Variants in MYL5 observed in about 807,000 individuals in gnomAD.
MYL5 encodes myosin light chain 5, also known as myosin regulatory light chain 5.
A neutral mutation model predicts 20.8 loss-of-function variants in MYL5; 28 were observed. The observed-to-expected ratio is 1.35, with a 90% CI of 1.00 to 1.84. MYL5 has a LOEUF of 1.84. Among genes scored for constraint, MYL5 ranks in the 40% most tolerant of loss-of-function variants. The pLI is 0.00. For synonymous variants in MYL5, 118 were observed against 87.4 expected (o/e 1.35, Z -1.95); for missense variants, 274 against 227.3 (o/e 1.21, Z -1.32).
intron 3 of MYL5, chr4:679,310 C>T: frequency 2.6e-6 from 1 of 381,054 alleles, no homozygotes; most frequent in South Asian, 2.9e-5. Context: ...GGGGCTGACT[C>T]TCTGGTAGGA....
At chr4:678,755 A>G (rs779759060) in exon 2 of MYL5, 18 of 1,610,468 alleles carry the variant, frequency 1.1e-5, no homozygotes, top group Middle Eastern at 1.6e-4. Flanking sequence ...CAGATCCAGG[A>G]GTTCAAGGAG....
exon 7 of MYL5, chr4:681,976 G>C (rs764712621): frequency 7.2e-7 from 1 of 1,397,390 alleles, no homozygotes; most frequent in African/African-American, 1.5e-5. Context: ...TCACCCACGG[G>C]GAGGAGAAGG....
At chr4:678,486 CA>C in intron 1 of MYL5, 171 bp from the exon 4 acceptor site, 1 of 1,438,776 alleles carries the variant, frequency 7.0e-7, no homozygotes, top group Non-Finnish European at 9.1e-7. Context: ...GTCCTGCCCC[CA>C]ACCCCAGCTA....
At chr4:678,335 C>T (rs1033416032) in intron 1 of MYL5, 1 of 1,417,998 alleles carries the variant, frequency 7.1e-7, no homozygotes, top group Admixed American at 2.8e-5. Context: ...CAAGCCCACC[C>T]AGAGTCCACT....
chr4:679,085 G>C (rs1474610154), intron 3 of MYL5, 52 bp downstream of exon 5: 13 of 1,457,298 alleles, frequency 8.9e-6, no homozygotes, highest in Admixed American at 1.9e-5. Context: ...CGAACACAGA[G>C]GTCCTCCAGC....
At chr4:680,269 G>A (rs536998529) in intron 4 of MYL5, among the ~76,000 whole-genome samples, 9 of 152,238 alleles carry the variant, frequency 5.9e-5, no homozygotes, top group African/African-American at 2.2e-4. Context: ...CTCACCCCCA[G>A]CTCCAGGCCT....
At chr4:676,397 C>G (rs1381443855), upstream of MYL5, 1 of 152,296 alleles carries the variant, frequency 6.6e-6, no homozygotes, top group Non-Finnish European at 1.5e-5. Context: ...CAAACACACA[C>G]GGCCTGGGGA....
chr4:680,858 A>T, intron 5 of MYL5: 1 of 638,858 alleles, frequency 1.6e-6, no homozygotes. Context: ...CGGGGAAAGT[A>T]CCAGGCGCTG....
intron 6 of MYL5, 61 bp downstream of exon 8, chr4:681,201 T>A: frequency 1.3e-6 from 2 of 1,558,560 alleles, no homozygotes; most frequent in Non-Finnish European, 1.7e-6. Flanking sequence ...CGGGGTCAGC[T>A]GGGTGGAGGG....
exon 1 of MYL5, chr4:678,025 G>T (rs1560152224): frequency 1.2e-6 from 2 of 1,613,426 alleles, no homozygotes; most frequent in Non-Finnish European, 1.7e-6. Context: ...GCAGAAGCAG[G>T]CATGGTGAGC....
intron 6 of MYL5, 49 bp downstream of exon 8, chr4:681,189 C>T (rs1228910766): frequency 5.1e-6 from 8 of 1,573,826 alleles, no homozygotes; most frequent in Admixed American, 1.8e-5. Context: ...GGGCGGGGCT[C>T]CCGGGGTCAG....
At chr4:679,923 A>C in exon 4 of MYL5, 1 of 1,613,644 alleles carries the variant, frequency 6.2e-7, no homozygotes, top group African/African-American at 1.3e-5. Flanking sequence ...GGCAAGACCA[A>C]CGTCAAGGAC....
intron 6 of MYL5, 51 bp from the exon 9 acceptor site, chr4:681,842 T>C: frequency 1.5e-6 from 2 of 1,294,146 alleles, no homozygotes; most frequent in Non-Finnish European, 2.0e-6. Flanking sequence ...AGGTGCGCGC[T>C]TGTAATTCGC....
intron 5 of MYL5, chr4:680,828 C>G (rs1433870579): frequency 1.6e-6 from 1 of 630,512 alleles, no homozygotes; most frequent in Non-Finnish European, 2.7e-6. Context: ...ACTCCTCCAT[C>G]TTCAGCTCCT....
At chr4:679,106 G>A (rs754502735) in intron 3 of MYL5, 73 bp downstream of exon 5, 26 of 1,270,050 alleles carry the variant, frequency 2.0e-5, no homozygotes, top group Middle Eastern at 2.0e-4. Flanking sequence ...TCCAGACGCC[G>A]CGGCCCCTCC....
intron 6 of MYL5, among the ~76,000 whole-genome samples, 198 bp downstream of exon 8, chr4:681,338 C>T (rs1739479873): frequency 6.6e-6 from 1 of 152,062 alleles, no homozygotes; most frequent in Admixed American, 6.5e-5. Context: ...GGTTGGAGAC[C>T]CCTCCCCTCC....
At chr4:676,153 A>G (rs928229654), upstream of MYL5, 4 of 152,274 alleles carry the variant, frequency 2.6e-5, no homozygotes, top group African/African-American at 4.8e-5. Flanking sequence ...TCCACAAGGC[A>G]CAGAACCATC....
At chr4:680,556 C>T (rs988622311) in exon 5 of MYL5, 1 of 1,613,518 alleles carries the variant, frequency 6.2e-7, no homozygotes, top group Non-Finnish European at 8.5e-7. Flanking sequence ...GATGCTGGAC[C>T]CGGACGGGAA....
Position 678,534 on chromosome 4 carries a change from GC to G in MYL5, c.4-119del. ...GGCTGGCATGCTCCTCAGCTGTCTG[GC>G]CCCCTCCAGCCCGAAGGGCTGAGGT... On this transcript the variant is annotated intron_variant, in intron 1 of 6. Coordinates refer to ENST00000400159, the Ensembl canonical transcript of MYL5. The G allele has an allele frequency of 3.4e-6, 5 of 1,462,824 alleles. No homozygotes were observed. In the East Asian group the frequency reaches 7.5e-5, roughly 22 times the overall value. The allele number at this position is 1,462,824 out of a possible 1,614,324, so 90.6% of individuals were successfully genotyped here.
Sources: allele counts gnomAD v4.1 joint callset (sites outside exome capture counted in the v4.1 genomes callset), GRCh38; gene constraint gnomAD v4.1.1; transcripts MANE v1.5; gene names NCBI Gene and HGNC (gene_info 2026-07-23, HGNC 2026-07-21).